CREBL2: variants seen among roughly 807,000 people sequenced by gnomAD.
The protein encoded by CREBL2 is cAMP-responsive element-binding protein-like 2.
In CREBL2, 4 loss-of-function variants were observed where a neutral mutation model predicts 19.5. The observed-to-expected ratio is 0.20, with a 90% CI of 0.10 to 0.47. CREBL2 has a LOEUF of 0.47. Among genes scored for constraint, CREBL2 ranks in the 20% least tolerant of loss-of-function variants. CREBL2 has a pLI of 0.98. For synonymous variants in CREBL2, 42 were observed against 46.6 expected (o/e 0.90, Z 0.40); for missense variants, 85 against 145.1 (o/e 0.59, Z 2.13).
At chr12:12,613,117 G>A (rs529177351) in intron 1 of CREBL2, among the ~76,000 whole-genome samples, 4 of 152,280 alleles carry the variant, frequency 2.6e-5, no homozygotes, top group Non-Finnish European at 5.9e-5. Context: ...GTGTCCGCTC[G>A]CCTCGGCCTC....
chr12:12,639,166 T>G lies in CREBL2; in HGVS notation c.358+1452T>G, dbSNP rs116550194. ...GTATCATCAGTATTTAATTCCTCTT[T>G]ATGGTCAAATAATATTTATATATAT... On this transcript the variant is annotated intron_variant, in intron 3 of 3. Transcript: ENST00000228865. Among the ~76,000 whole-genome samples, 756 of 152,358 alleles carry G rather than the reference T, an allele frequency of 5.0e-3. 5 individuals are homozygous for G. The highest frequency in any genetic ancestry group is 0.017 in the African/African-American group (692 of 41,582).
chr12:12,639,443 C>G (rs1945500871), intron 3 of CREBL2, among the ~76,000 whole-genome samples: 1 of 152,170 alleles, frequency 6.6e-6, no homozygotes, highest in African/African-American at 2.4e-5. Flanking sequence ...TCCAATTTGT[C>G]CACATCTCAT....
chr12:12,630,634 C>T (rs1392810486), intron 1 of CREBL2, among the ~76,000 whole-genome samples: 1 of 151,946 alleles, frequency 6.6e-6, no homozygotes, highest in East Asian at 1.9e-4. Flanking sequence ...TTCTATCTGT[C>T]TGCTTTATGT....
In CREBL2 at chr12:12,640,173, C is replaced by G. The variant is rs561328729; in HGVS notation, c.359-1821C>G. 1.3e-3 allele frequency among the ~76,000 whole-genome samples: 205 copies of G among 152,236 alleles called. 1 individual carries two copies. Among genetic ancestry groups the G allele is most frequent in the African/African-American group, 4.8e-3 (199 of 41,534 alleles). On this transcript the variant is annotated intron_variant, in intron 3 of 3. Coordinates refer to ENST00000228865, the MANE Select transcript of CREBL2 (RefSeq NM_001310.4). Reference sequence around the variant, plus strand: ...TTACCAGGGCAGAGTTTTTCCCCACCCTAGTAAGCCTGAGGGTTCTGCAGG... The same window carrying G: ...TTACCAGGGCAGAGTTTTTCCCCACGCTAGTAAGCCTGAGGGTTCTGCAGG...
At chr12:12,623,574 A>G (rs1237871190) in intron 1 of CREBL2, among the ~76,000 whole-genome samples, 2 of 152,174 alleles carry the variant, frequency 1.3e-5, no homozygotes, top group South Asian at 4.1e-4. Context: ...GATGGGGTTC[A>G]GGCTGGTGGT....
chr12:12,617,676 T>TTTTTTTTGTTTTTTTTTTTG (rs1945322182), intron 1 of CREBL2, among the ~76,000 whole-genome samples: 1 of 127,094 alleles, frequency 7.9e-6, no homozygotes, highest in African/African-American at 3.0e-5. Context: ...TTTTTTTTTT[T>TTTTTTTTGTTTTTTTTTTTG]TTTTTAGTAT....
At position 12,620,039 on chromosome 12, in the gene CREBL2, C is replaced by T. The variant is rs553183994; in HGVS notation, c.15+7852C>T. On this transcript the variant is annotated intron_variant, in intron 1 of 3. Coordinates refer to ENST00000228865, the MANE Select transcript of CREBL2 (RefSeq NM_001310.4). ...ATCTCTTTGACATTCCCTCATTTATCTTTTGGCTCCTTAACCATCCTCTGC... is the reference window on the plus strand; with the variant it reads ...ATCTCTTTGACATTCCCTCATTTATTTTTTGGCTCCTTAACCATCCTCTGC... 1.5e-3 allele frequency among the ~76,000 whole-genome samples: 229 copies of T among 152,248 alleles called. 2 individuals are homozygous for T. The highest frequency in any genetic ancestry group is 5.3e-3 in the African/African-American group (222 of 41,554).
chr12:12,639,452 A>G (rs1265208436), intron 3 of CREBL2, among the ~76,000 whole-genome samples: 2 of 152,136 alleles, frequency 1.3e-5, no homozygotes, highest in African/African-American at 4.8e-5. Context: ...TCCACATCTC[A>G]TCAACTTATT....
rs780788075 is a variant in CREBL2, at chr12:12,612,183, G to A, written c.11G>A (p.Ser4Asn). 8.7e-6 allele frequency: 14 copies of A among 1,613,532 alleles called. No individual in the cohort carries two copies. The highest frequency in any genetic ancestry group is 1.2e-5 in the Non-Finnish European group (14 of 1,180,042). Residue 4 changes from serine to asparagine, a missense_variant, in exon 1 of 4, where the codon AGT (serine) becomes AAT (asparagine). Ser to Asn is a conservative substitution (Grantham distance 46, BLOSUM62 1). Transcript: ENST00000228865. MDD[S>N]KVVGGKVKKP... ...GGCCTGTCTGCCGCGATGGATGACA[G>A]TAAGGTAAGTCTTGTGGTTTGCACG...
intron 1 of CREBL2, among the ~76,000 whole-genome samples, chr12:12,616,152 C>G (rs1311949549): frequency 6.6e-6 from 1 of 152,088 alleles, no homozygotes; most frequent in Non-Finnish European, 1.5e-5. Context: ...TCAGTTTTTT[C>G]CTTTTCAGAC....
At chr12:12,615,361 AT>A (rs35848844) in intron 1 of CREBL2, 184 of 140,868 alleles carry the variant, frequency 1.3e-3, no homozygotes, top group African/African-American at 3.6e-3. Flanking sequence ...AACTTTTTGC[AT>A]TTTTTTTTTT....
intron 1 of CREBL2, among the ~76,000 whole-genome samples, chr12:12,633,097 C>G (rs934541551): frequency 6.6e-6 from 1 of 151,442 alleles, no homozygotes; most frequent in East Asian, 2.0e-4. Context: ...CCACCGTGCC[C>G]GGCTAAGTTT....
chr12:12,639,161 C>T (rs1400458519), intron 3 of CREBL2, among the ~76,000 whole-genome samples: 1 of 152,048 alleles, frequency 6.6e-6, no homozygotes, highest in African/African-American at 2.4e-5. Flanking sequence ...TATTTAATTC[C>T]TCTTTATGGT....
rs1045230437 is a variant in CREBL2, at chr12:12,641,578, G to A, written c.359-416G>A. Among the ~76,000 whole-genome samples the A allele has an allele frequency of 5.9e-5, 9 of 152,120 alleles. No individual in the cohort carries two copies. In the East Asian group the frequency reaches 7.7e-4, roughly 13 times the overall value. On this transcript the variant is annotated intron_variant, in intron 3 of 3. Coordinates refer to ENST00000228865, the MANE Select transcript of CREBL2 (RefSeq NM_001310.4). ...CCCGCCTTGGCCTCCCAAAGTGCTA[G>A]GATTACAGGTGTGAGCTACCACGCC...
intron 1 of CREBL2, among the ~76,000 whole-genome samples, chr12:12,621,574 C>T (rs1163617815): frequency 6.7e-6 from 1 of 150,370 alleles, no homozygotes; most frequent in Non-Finnish European, 1.5e-5. Flanking sequence ...GAGTTGCCAG[C>T]AGGGCGGTGA....
chr12:12,616,214 C>A (rs922694121), intron 1 of CREBL2, among the ~76,000 whole-genome samples: 1 of 151,988 alleles, frequency 6.6e-6, no homozygotes, highest in African/African-American at 2.4e-5. Context: ...TCAAATAAGT[C>A]GAAGAAAAAT....
intron 3 of CREBL2, among the ~76,000 whole-genome samples, chr12:12,638,248 C>T (rs562769527): frequency 2.8e-4 from 43 of 152,240 alleles, no homozygotes; most frequent in African/African-American, 8.4e-4. Flanking sequence ...TGAGATCACC[C>T]TGGCCAACAT....
intron 1 of CREBL2, among the ~76,000 whole-genome samples, chr12:12,621,223 A>G (rs544491716): frequency 1.3e-5 from 2 of 152,278 alleles, no homozygotes; most frequent in South Asian, 4.1e-4. Flanking sequence ...GTAAAACTGT[A>G]TTTTCAAAAA....
At position 12,630,304 on chromosome 12, in the gene CREBL2, ATTTCTT is replaced by A. The variant is rs560749377; in HGVS notation, c.16-5472_16-5467del. Among the ~76,000 whole-genome samples, 119 of 151,952 alleles carry A rather than the reference ATTTCTT, an allele frequency of 7.8e-4. 1 individual carries two copies. Among genetic ancestry groups the A allele is most frequent in the Admixed American group, 2.6e-3 (40 of 15,276 alleles). On this transcript the variant is annotated intron_variant, in intron 1 of 3. Coordinates refer to ENST00000228865, the MANE Select transcript of CREBL2 (RefSeq NM_001310.4). ...GCTATAGATCTAATTCAGATTTTCT[ATTTCTT>A]CTTGAGTCTGTTTTGCTACTTTGTG...
Sources: gnomAD v4.1 joint callset for allele counts (sites outside exome capture counted in the v4.1 genomes callset) on GRCh38, gnomAD v4.1.1 for gene constraint, MANE v1.5 for transcripts, NCBI Gene and HGNC (gene_info 2026-07-23, HGNC 2026-07-21) for gene names.